PKHD1L1: variants seen among roughly 807,000 people sequenced by gnomAD.
The protein encoded by PKHD1L1 is PKHD1 like 1.
PKHD1L1 carries 434 observed loss-of-function variants against 462.9 expected under a neutral mutation model. The observed-to-expected ratio is 0.94, with a 90% CI of 0.87 to 1.02. PKHD1L1 has a LOEUF of 1.02. PKHD1L1 is among the 50% of genes least tolerant of loss of function. PKHD1L1 has a pLI of 0.00. For missense variants in PKHD1L1, 5,202 were observed against 5,096.1 expected, an observed-to-expected ratio of 1.02 and a Z score of -0.63; for synonymous variants, 1,781 against 1,750.0, an observed-to-expected ratio of 1.02 and a Z score of -0.44.
At position 109,364,558 on chromosome 8, in the gene PKHD1L1, A is replaced by C. The variant is rs778283728; in HGVS notation, c.85A>C (p.Ile29Leu). ...TTAATATTTTTCAGATGGCTCTCAAATAATCCCCAAAGTCACAGAAATAAT... is the reference window on the plus strand; with the variant it reads ...TTAATATTTTTCAGATGGCTCTCAACTAATCCCCAAAGTCACAGAAATAAT... ...AADPSTDGSQ[I>L]IPKVTEIIPK... Residue 29 changes from isoleucine (I) to leucine (L), a missense_variant, in exon 2 of 78, where the codon ATA becomes CTA. Ile to Leu is a conservative substitution (Grantham distance 5). Transcript: ENST00000378402. The C allele has an allele frequency of 1.7e-5, 27 of 1,596,060 alleles. No homozygotes were observed. The highest frequency in any genetic ancestry group is 2.3e-5 in the Non-Finnish European group (27 of 1,166,982).
chr8:109,372,782 G>T (rs1034245626), intron 2 of PKHD1L1, among the ~76,000 whole-genome samples: 1 of 151,982 alleles, frequency 6.6e-6, no homozygotes, highest in Non-Finnish European at 1.5e-5. Flanking sequence ...TTTGTCTTTG[G>T]TTCTGTTTAT....
rs1389588441 is a variant in PKHD1L1 at position 109,532,364 on chromosome 8, C to G, written c.*2274C>G. Among the ~76,000 whole-genome samples the G allele has an allele frequency of 6.6e-6, 1 of 152,140 alleles. No individual in the cohort carries two copies. Among genetic ancestry groups the G allele is most frequent in the African/African-American group, 2.4e-5 (1 of 41,420 alleles). On this transcript the variant is annotated 3_prime_UTR_variant, in exon 78 of 78. Coordinates refer to ENST00000378402, the MANE Select transcript of PKHD1L1 (RefSeq NM_177531.6). Reference sequence around the variant, plus strand: ...CAGATAAATTACAATTTAATTACTACTTTTAAAAATGCTTGAATTATTGGA... The same window carrying G: ...CAGATAAATTACAATTTAATTACTAGTTTTAAAAATGCTTGAATTATTGGA...
In PKHD1L1 at chr8:109,408,091, A is replaced by G; in HGVS notation, c.1856A>G (p.Asn619Ser). ...GGTTATGAAGTAGTTGAAGGGAATA[A>G]TGTCACACTGGATATTACAGAACAA... ...LLGYEVVEGN[N>S]VTLDITEQTK... Residue 619 changes from asparagine (N) to serine (S), a missense_variant, in exon 18 of 78, where the codon AAT (asparagine) becomes AGT (serine). By Grantham distance (46) the Asn-to-Ser change is conservative. Around this residue, in one of 3 missense-constraint regions of PKHD1L1, gnomAD observed 4,497 missense variants for 4,336.8 expected, o/e 1.04. Transcript: ENST00000378402. 1.2e-6 allele frequency: 2 copies of G among 1,612,830 alleles called. No individual in the cohort carries two copies. Among genetic ancestry groups the G allele is most frequent in the Non-Finnish European group, 1.7e-6 (2 of 1,179,210 alleles).
At chr8:109,461,965 A>G in intron 48 of PKHD1L1, 57 bp downstream of exon 48, 1 of 1,533,628 alleles carries the variant, frequency 6.5e-7, no homozygotes, top group Non-Finnish European at 8.8e-7. Context: ...CATACAAGAA[A>G]TGTGTGTTGA....
Position 109,497,147 on chromosome 8 carries a change from C to T in PKHD1L1, c.10477-3C>T. On this transcript the variant is annotated splice_region_variant and splice_polypyrimidine_tract_variant and intron_variant, in intron 64 of 77. Transcript: ENST00000378402. ...ATTATGTAACCTGCAAATTCTATTG[C>T]AGACCACAGAGAGTGTGCACATTTA... 3 of 1,613,306 alleles carry T rather than the reference C, an allele frequency of 1.9e-6. No individual in the cohort carries two copies. Among genetic ancestry groups the T allele is most frequent in the Non-Finnish European group, 1.7e-6 (2 of 1,179,560 alleles).
rs901910951 is a variant in PKHD1L1, at chr8:109,533,631, T to C, written c.*3541T>C. On this transcript the variant is annotated 3_prime_UTR_variant, in exon 78 of 78. Coordinates refer to ENST00000378402, the MANE Select transcript of PKHD1L1 (RefSeq NM_177531.6). ...AACTGACCTTAAAACATAGCTATTA[T>C]GCATCCCTTTGCCTTTTCTTCATCC... is the stretch of plus-strand genomic sequence containing the variant. Among the ~76,000 whole-genome samples, 4 of 152,194 alleles carry C rather than the reference T, an allele frequency of 2.6e-5. No homozygotes were observed. Among genetic ancestry groups the C allele is most frequent in the African/African-American group, 9.7e-5 (4 of 41,444 alleles).
At chr8:109,475,921 T>TA (rs33994812) in intron 51 of PKHD1L1, among the ~76,000 whole-genome samples, 58,384 of 149,972 alleles carry the variant, frequency 0.39, 11,602 homozygotes, top group South Asian at 0.57. Context: ...TTCTAATTTA[T>TA]AAAAAAAGTA....
At chr8:109,508,412 G>A (rs1819808715) in intron 70 of PKHD1L1, 148 bp downstream of exon 70, 2 of 778,594 alleles carry the variant, frequency 2.6e-6, no homozygotes, top group Non-Finnish European at 4.0e-6. Context: ...GCAATGCGCA[G>A]GGGAGAGACT....
rs575867386 is a variant in PKHD1L1 at position 109,372,636 on chromosome 8, T to C, written c.163+8000T>C. On this transcript the variant is annotated intron_variant, in intron 2 of 77. Transcript: ENST00000378402. ...TGTCCATTCAGTGTGATATTGGCTG[T>C]GGGTTTGTCACAGATAGCTCTTATT... is the stretch of plus-strand genomic sequence containing the variant. Among the ~76,000 whole-genome samples the C allele has an allele frequency of 3.9e-5, 6 of 152,338 alleles. No homozygotes were observed. The South Asian group carries it at 1.2e-3, about 32-fold the overall frequency.
chr8:109,435,867 T>C (rs1472927873), intron 29 of PKHD1L1, among the ~76,000 whole-genome samples: 1 of 152,248 alleles, frequency 6.6e-6, no homozygotes, highest in African/African-American at 2.4e-5. Context: ...TTTGATCCTT[T>C]TGGTATGCTT....
intron 21 of PKHD1L1, among the ~76,000 whole-genome samples, chr8:109,415,013 T>A (rs1307895374): frequency 2.8e-5 from 4 of 144,758 alleles, no homozygotes; most frequent in Non-Finnish European, 6.1e-5. Context: ...TATTATTATT[T>A]TTGAGACAGG....
At chr8:109,504,733 C>T (rs1320478219) in intron 68 of PKHD1L1, among the ~76,000 whole-genome samples, 1 of 152,102 alleles carries the variant, frequency 6.6e-6, no homozygotes, top group African/African-American at 2.4e-5. Flanking sequence ...TGTGAATCAT[C>T]AATAACATCA....
intron 32 of PKHD1L1, among the ~76,000 whole-genome samples, chr8:109,439,548 G>C (rs1431866140): frequency 6.6e-6 from 1 of 152,104 alleles, no homozygotes; most frequent in East Asian, 1.9e-4. Flanking sequence ...GGTGCAGTAA[G>C]AGTCTATAAT....
chr8:109,475,210 T>A lies in PKHD1L1; in HGVS notation c.8698T>A (p.Phe2900Ile), dbSNP rs1278440443. Residue 2900 changes from phenylalanine to isoleucine, a missense_variant, in exon 51 of 78, where the codon TTT (phenylalanine) becomes ATT (isoleucine). Physicochemically the swap from Phe to Ile is conservative, Grantham distance 21. Transcript: ENST00000378402. ...AAATGCAAATCACATTAACTGGTAT[T>A]TTAAAGGTGTGGATCACATAACCAA... ...IPNANHINWY[F>I]KGVDHITNIS... The A allele has an allele frequency of 6.2e-7, 1 of 1,612,366 alleles. No individual in the cohort carries two copies. Among genetic ancestry groups the A allele is most frequent in the Non-Finnish European group, 8.5e-7 (1 of 1,179,050 alleles).
intron 10 of PKHD1L1, among the ~76,000 whole-genome samples, chr8:109,395,731 C>T (rs940069459): frequency 2.6e-5 from 4 of 152,178 alleles, no homozygotes; most frequent in South Asian, 2.1e-4. Context: ...TACCTGCCTT[C>T]GTGCTCAGCT....
At chr8:109,444,588 T>C (rs1000357219) in intron 37 of PKHD1L1, 73 bp from the exon 38 acceptor site, 1 of 1,348,826 alleles carries the variant, frequency 7.4e-7, no homozygotes, top group African/African-American at 1.5e-5. Context: ...TTTGTAGTTG[T>C]TGCTAATACA....
At position 109,508,127 on chromosome 8, in the gene PKHD1L1, T is replaced by C. The variant is rs761078990; in HGVS notation, c.11258T>C (p.Leu3753Pro). Residue 3753 changes from leucine (L) to proline (P), a missense_variant, in exon 70 of 78, where the codon CTT (leucine) becomes CCT (proline). Leu to Pro is a moderately conservative substitution (Grantham distance 98). This residue lies in a region of PKHD1L1 where 698 missense variants were observed against 736.3 expected (regional missense o/e 0.95). Coordinates refer to ENST00000378402, the MANE Select transcript of PKHD1L1 (RefSeq NM_177531.6). ...GIIRDSTCKY[L>P]PEWQSYQCFG... ...ATTAGAGATTCAACCTGTAAGTACC[T>C]TCCAGAGTGGCAGAGCTATCAGTGC... is the stretch of plus-strand genomic sequence containing the variant. 2 of 1,612,452 alleles carry C rather than the reference T, an allele frequency of 1.2e-6. No individual in the cohort carries two copies. The highest frequency in any genetic ancestry group is 1.7e-6 in the Non-Finnish European group (2 of 1,178,996).
intron 62 of PKHD1L1, 117 bp from the exon 63 acceptor site, chr8:109,493,544 C>A: frequency 2.0e-6 from 1 of 512,604 alleles, no homozygotes; most frequent in Admixed American, 4.0e-5. Context: ...AATTTTCCTC[C>A]TGAAAATGTA....
At chr8:109,455,442 C>T (rs1250285905) in intron 45 of PKHD1L1, among the ~76,000 whole-genome samples, 1 of 152,210 alleles carries the variant, frequency 6.6e-6, no homozygotes, top group Non-Finnish European at 1.5e-5. Context: ...TCCTCCTCTT[C>T]CCCTTTTCCA....
Sources: allele counts gnomAD v4.1 joint callset (sites outside exome capture counted in the v4.1 genomes callset), GRCh38; gene constraint gnomAD v4.1.1; regional missense constraint gnomAD v4.1.1; transcripts MANE v1.5; gene names NCBI Gene and HGNC (gene_info 2026-07-23, HGNC 2026-07-21).